Variants in VPS8 observed in about 807,000 individuals in gnomAD.
The protein encoded by VPS8 is vacuolar protein sorting-associated protein 8 homolog.
A neutral mutation model predicts 216.4 loss-of-function variants in VPS8; 129 were observed. The ratio of observed to expected loss-of-function variants is 0.60; its 90% CI spans 0.52 to 0.69. The LOEUF (loss-of-function observed/expected upper bound fraction) is 0.69, where lower values mean the gene tolerates loss of function less well. VPS8 is among the 30% of genes least tolerant of loss of function. VPS8 has a pLI of 0.00. For synonymous variants in VPS8, 571 were observed against 565.4 expected (o/e 1.01, Z -0.14); for missense variants, 1,531 against 1,683.5 (o/e 0.91, Z 1.59).
intron 1 of VPS8, among the ~76,000 whole-genome samples, chr3:184,816,464 A>G (rs1262496726): frequency 1.3e-5 from 2 of 152,204 alleles, no homozygotes; most frequent in African/African-American, 4.8e-5. Flanking sequence ...CACCAACAAC[A>G]GAAAGAGAAA....
chr3:184,911,012 A>G (rs896370025), intron 25 of VPS8, among the ~76,000 whole-genome samples: 2 of 152,212 alleles, frequency 1.3e-5, no homozygotes, highest in Non-Finnish European at 2.9e-5. Flanking sequence ...CCTGAACCTA[A>G]TCTTTTTGAG....
chr3:184,822,274 A>G (rs187483590), intron 1 of VPS8, among the ~76,000 whole-genome samples: 2 of 152,134 alleles, frequency 1.3e-5, no homozygotes, highest in African/African-American at 2.4e-5. Flanking sequence ...TTGCCAGCAC[A>G]TTACATTGGT....
chr3:184,996,207 T>TATC (rs756729401), intron 43 of VPS8, 125 bp from the exon 44 acceptor site: 137 of 1,150,396 alleles, frequency 1.2e-4, no homozygotes, highest in Non-Finnish European at 1.5e-4. Context: ...TATCCCTTTA[T>TATC]AGTGTGTTTC....
intron 29 of VPS8, 64 bp from the exon 30 acceptor site, chr3:184,924,798 T>TG (rs1739271788): frequency 1.0e-5 from 12 of 1,147,740 alleles, no homozygotes; most frequent in South Asian, 5.9e-5. Flanking sequence ...CTTCTAATTG[T>TG]ATTTTTTTTT....
At chr3:184,868,123 T>G in intron 18 of VPS8, 64 bp downstream of exon 18, 1 of 1,547,100 alleles carries the variant, frequency 6.5e-7, no homozygotes, top group Non-Finnish European at 8.9e-7. Flanking sequence ...CATTTCTGTT[T>G]TGACTTTTCA....
chr3:185,018,818 T>C (rs946204734), intron 45 of VPS8, among the ~76,000 whole-genome samples: 4 of 152,216 alleles, frequency 2.6e-5, no homozygotes, highest in African/African-American at 9.6e-5. Context: ...CCTTCTCTTC[T>C]AGCTTGCTGA....
chr3:184,828,086 T>A (rs893688190), intron 3 of VPS8, among the ~76,000 whole-genome samples: 2 of 152,190 alleles, frequency 1.3e-5, no homozygotes. Flanking sequence ...TTCATTAATA[T>A]CAACCTTAAA....
At chr3:184,874,431 T>C (rs776064961) in intron 21 of VPS8, among the ~76,000 whole-genome samples, 39 of 152,158 alleles carry the variant, frequency 2.6e-4, no homozygotes, top group Non-Finnish European at 5.0e-4. Flanking sequence ...GGGTGAAGAT[T>C]TAGTGACTGG....
Position 184,832,696 on chromosome 3 carries a change from A to C in VPS8, c.230A>C (p.Asp77Ala), listed in dbSNP as rs1352771734. 1.9e-6 allele frequency: 3 copies of C among 1,598,960 alleles called. No homozygotes were observed. The highest frequency in any genetic ancestry group is 2.6e-6 in the Non-Finnish European group (3 of 1,171,542). Residue 77 changes from aspartate to alanine, a missense_variant, in exon 4 of 48, where the codon GAT becomes GCT. Asp to Ala is a moderately radical substitution (Grantham distance 126). Coordinates refer to ENST00000625842, the MANE Select transcript of VPS8 (RefSeq NM_001009921.3). ...TATCTTCTTCCAATTTAGACTGATG[A>C]TGAAGATGAGTCTTTTATTCTTGAG... is the stretch of plus-strand genomic sequence containing the variant. ...TLESILNETD[D>A]EDESFILEDP...
chr3:184,993,183 T>C (rs1163635307), intron 42 of VPS8, among the ~76,000 whole-genome samples: 1 of 152,124 alleles, frequency 6.6e-6, no homozygotes, highest in East Asian at 1.9e-4. Context: ...ATAAAAATAT[T>C]TTGTAAAATA....
chr3:184,869,177 C>G, intron 19 of VPS8, 141 bp downstream of exon 19: 2 of 793,232 alleles, frequency 2.5e-6, no homozygotes, highest in Non-Finnish European at 4.0e-6. Flanking sequence ...TATAGACTTT[C>G]AGTTAAGAAG....
chr3:184,892,279 C>T (rs1732485897), intron 22 of VPS8, among the ~76,000 whole-genome samples: 1 of 151,780 alleles, frequency 6.6e-6, no homozygotes, highest in Admixed American at 6.6e-5. Flanking sequence ...AGGCTGGAGT[C>T]GATCTCGGCT....
chr3:184,940,674 A>G (rs1742523241), intron 36 of VPS8, among the ~76,000 whole-genome samples: 2 of 152,152 alleles, frequency 1.3e-5, no homozygotes. Context: ...CTCTGACTTA[A>G]TATGTTTAGT....
intron 22 of VPS8, among the ~76,000 whole-genome samples, chr3:184,889,384 T>G (rs115305442): frequency 1.2e-3 from 182 of 152,288 alleles, no homozygotes; most frequent in African/African-American, 4.1e-3. Flanking sequence ...GAATCCTTCC[T>G]CAGTTCAGCT....
At chr3:184,931,376 A>G (rs993281238) in intron 34 of VPS8, among the ~76,000 whole-genome samples, 1 of 152,192 alleles carries the variant, frequency 6.6e-6, no homozygotes, top group Non-Finnish European at 1.5e-5. Context: ...ACTTTTGGAA[A>G]TAACATTTAT....
At chr3:185,037,122 C>G (rs1363423603) in intron 46 of VPS8, among the ~76,000 whole-genome samples, 2 of 150,934 alleles carry the variant, frequency 1.3e-5, no homozygotes, top group Non-Finnish European at 2.9e-5. Flanking sequence ...GCTTTCATGC[C>G]AAAGAAATTG....
At chr3:184,940,370 A>G (rs957018388) in intron 36 of VPS8, 127 bp downstream of exon 36, 2 of 280,022 alleles carry the variant, frequency 7.1e-6, no homozygotes, top group Non-Finnish European at 1.3e-5. Flanking sequence ...TTATATTAGT[A>G]GGAGCAACTG....
chr3:184,859,084 C>A (rs1725807718), intron 14 of VPS8, among the ~76,000 whole-genome samples: 1 of 152,130 alleles, frequency 6.6e-6, no homozygotes, highest in Non-Finnish European at 1.5e-5. Context: ...CAAACTAAAC[C>A]AGTTGAAATG....
chr3:185,041,076 G>A (rs566667864), intron 46 of VPS8, among the ~76,000 whole-genome samples: 3 of 152,076 alleles, frequency 2.0e-5, no homozygotes, highest in Admixed American at 6.5e-5. Flanking sequence ...ATGGTGGTAC[G>A]CATCTGTAAT....
Sources: gnomAD v4.1 joint callset for allele counts (sites outside exome capture counted in the v4.1 genomes callset) on GRCh38, gnomAD v4.1.1 for gene constraint, MANE v1.5 for transcripts, NCBI Gene and HGNC (gene_info 2026-07-23, HGNC 2026-07-21) for gene names.